Variants in KLHL3 observed in about 807,000 individuals in gnomAD.
The protein encoded by KLHL3 is kelch like family member 3, also known as kelch-like protein 3.
KLHL3 carries 19 observed loss-of-function variants against 70.5 expected under a neutral mutation model. The observed-to-expected ratio is 0.27, with a 90% CI of 0.19 to 0.40. The LOEUF (loss-of-function observed/expected upper bound fraction) is 0.40. KLHL3 is among the 10% of genes least tolerant of loss of function. The pLI is 1.00. For synonymous variants in KLHL3, 258 were observed against 290.3 expected, an observed-to-expected ratio of 0.89 and a Z score of 1.13; for missense variants, 512 against 771.1, an observed-to-expected ratio of 0.66 and a Z score of 3.98.
At chr5:137,644,386 G>A (rs928099712) in intron 8 of KLHL3, among the ~76,000 whole-genome samples, 1 of 152,164 alleles carries the variant, frequency 6.6e-6, no homozygotes, top group Admixed American at 6.5e-5. Flanking sequence ...TAGTTGAATA[G>A]TATATATACC....
At chr5:137,692,692 T>C (rs1318183127) in intron 4 of KLHL3, 5 of 465,698 alleles carry the variant, frequency 1.1e-5, no homozygotes, top group Non-Finnish European at 1.2e-5. Context: ...TCCCTGGGGA[T>C]CTTATTAAAA....
intron 1 of KLHL3, among the ~76,000 whole-genome samples, chr5:137,734,853 T>C (rs1357416223): frequency 8.5e-5 from 13 of 152,316 alleles, no homozygotes; most frequent in African/African-American, 3.1e-4. Flanking sequence ...ACCTTCACAA[T>C]GAAAGATTCA....
At chr5:137,683,233 C>T (rs749004355) in intron 5 of KLHL3, among the ~76,000 whole-genome samples, 5 of 152,056 alleles carry the variant, frequency 3.3e-5, no homozygotes, top group East Asian at 1.9e-4. Context: ...TCCACATGGA[C>T]GGGAACATAC....
At chr5:137,720,333 T>A in intron 2 of KLHL3, 132 bp downstream of exon 2, 1 of 1,023,128 alleles carries the variant, frequency 9.8e-7, no homozygotes, top group Non-Finnish European at 1.4e-6. Context: ...AAAGGGGAAC[T>A]CAAGTGACTA....
chr5:137,709,817 A>T lies in KLHL3; in HGVS notation c.174T>A (p.Asp58Glu), dbSNP rs777393894. The T allele has an allele frequency of 6.2e-7, 1 of 1,614,042 alleles. No homozygotes were observed. The highest frequency in any genetic ancestry group is 8.5e-7 in the Non-Finnish European group (1 of 1,180,038). ...LLCDVMIVAE[D>E]VEIEAHRVVL... ...CCACACGGTGGGCTTCTATCTCGAC[A>T]TCTTCTGCCACAATCATCACGTCAC... Residue 58 changes from aspartate (D) to glutamate (E), a missense_variant, in exon 3 of 15, where the codon GAT becomes GAA. Coordinates refer to ENST00000309755, the MANE Select transcript of KLHL3 (RefSeq NM_017415.3).
At chr5:137,627,477 A>C (rs10074817) in intron 13 of KLHL3, among the ~76,000 whole-genome samples, 50,840 of 78,346 alleles carry the variant, frequency 0.65, 17,173 homozygotes, top group Middle Eastern at 0.78. Flanking sequence ...AAATATCACC[A>C]CCCCCCCCCC....
rs1360294011 is a variant in KLHL3 at position 137,658,169 on chromosome 5, G to A, written c.865C>T (p.Pro289Ser). ...ACTGGAGTCCTGGGCTTGGTCCTTGGGTTCTTAATCAATAGTCTCTGATCC... is the reference window on the plus strand; with the variant it reads ...ACTGGAGTCCTGGGCTTGGTCCTTGAGTTCTTAATCAATAGTCTCTGATCC... The part of the protein sequence containing the change: ...PLDQRLLIKN[P>S]RTKPRTPVSL... Residue 289 changes from proline (P) to serine (S), a missense_variant, in exon 8 of 15, where the codon CCA becomes TCA. Transcript: ENST00000309755. The A allele has an allele frequency of 1.2e-6, 2 of 1,613,830 alleles. No homozygotes were observed. Among genetic ancestry groups the A allele is most frequent in the South Asian group, 1.1e-5 (1 of 91,056 alleles).
chr5:137,638,082 G>A (rs754303973), intron 10 of KLHL3, among the ~76,000 whole-genome samples: 15 of 152,272 alleles, frequency 9.9e-5, no homozygotes, highest in Middle Eastern at 3.4e-3. Flanking sequence ...AAAATCCCTC[G>A]TGTTTTAAGG....
chr5:137,718,921 A>G (rs1384017629), intron 2 of KLHL3, among the ~76,000 whole-genome samples: 1 of 152,268 alleles, frequency 6.6e-6, no homozygotes, highest in Admixed American at 6.5e-5. Flanking sequence ...GAAAGGAGAC[A>G]TAAGAAAACA....
intron 2 of KLHL3, among the ~76,000 whole-genome samples, chr5:137,715,714 C>T (rs182544434): frequency 1.5e-4 from 23 of 152,304 alleles, no homozygotes; most frequent in Admixed American, 1.4e-3. Flanking sequence ...GATCTCACAA[C>T]AATATCTAAG....
chr5:137,666,647 G>T (rs559012431), intron 6 of KLHL3, among the ~76,000 whole-genome samples: 1 of 152,258 alleles, frequency 6.6e-6, no homozygotes, highest in East Asian at 1.9e-4. Context: ...TGTGTAACTA[G>T]TTCCACTTAG....
At chr5:137,718,009 T>C (rs1261984567) in intron 2 of KLHL3, among the ~76,000 whole-genome samples, 2 of 152,214 alleles carry the variant, frequency 1.3e-5, no homozygotes, top group African/African-American at 2.4e-5. Context: ...GTCAAATATG[T>C]GTGGAAAACC....
chr5:137,647,323 C>A (rs1751074072), intron 8 of KLHL3, among the ~76,000 whole-genome samples: 1 of 152,162 alleles, frequency 6.6e-6, no homozygotes. Flanking sequence ...GAAATCACAA[C>A]CACCCTGTGT....
At chr5:137,636,080 A>G (rs781427602) in intron 11 of KLHL3, among the ~76,000 whole-genome samples, 8 of 152,240 alleles carry the variant, frequency 5.3e-5, no homozygotes, top group Admixed American at 6.5e-5. Flanking sequence ...AGACAAATCA[A>G]TTTCTCTTCC....
At chr5:137,645,217 G>T (rs1182657528) in intron 8 of KLHL3, among the ~76,000 whole-genome samples, 1 of 152,158 alleles carries the variant, frequency 6.6e-6, no homozygotes, top group Non-Finnish European at 1.5e-5. Flanking sequence ...ATACTAGAAA[G>T]GGGAAAGTTG....
At chr5:137,641,615 C>A (rs115984065) in intron 8 of KLHL3, among the ~76,000 whole-genome samples, 114 of 152,254 alleles carry the variant, frequency 7.5e-4, no homozygotes, top group African/African-American at 2.7e-3. Flanking sequence ...AAGGCACATC[C>A]CTCAAGTGAA....
In KLHL3 at chr5:137,692,410, T is replaced by C. The variant is rs758691957; in HGVS notation, c.401A>G (p.Asp134Gly). ...LPAASLLQLMDVRQNCCDFLQ... is the reference protein window; with the variant it reads ...LPAASLLQLMGVRQNCCDFLQ... ...GAAGTCACAGCAGTTCTGCCGAACATCCATGAGCTGCAGCAAGCTGGCTGC... is the reference window on the plus strand; with the variant it reads ...GAAGTCACAGCAGTTCTGCCGAACACCCATGAGCTGCAGCAAGCTGGCTGC... Residue 134 changes from aspartate (D) to glycine (G), a missense_variant, in exon 5 of 15, where the codon GAT becomes GGT. Coordinates refer to ENST00000309755, the MANE Select transcript of KLHL3 (RefSeq NM_017415.3). 7.4e-6 allele frequency: 12 copies of C among 1,613,912 alleles called. No homozygotes were observed. In the African/African-American group the frequency reaches 1.6e-4, roughly 22 times the overall value.
chr5:137,699,538 G>T (rs1221115656), intron 3 of KLHL3, among the ~76,000 whole-genome samples: 1 of 152,122 alleles, frequency 6.6e-6, no homozygotes, highest in Non-Finnish European at 1.5e-5. Context: ...TGGAGGCCCT[G>T]ATAATAATCC....
At chr5:137,716,465 G>A (rs1220217306) in intron 2 of KLHL3, among the ~76,000 whole-genome samples, 1 of 152,156 alleles carries the variant, frequency 6.6e-6, no homozygotes, top group African/African-American at 2.4e-5. Context: ...GGGAAGCACA[G>A]CCTCCAGCCA....
Sources: gnomAD v4.1 joint callset for allele counts (sites outside exome capture counted in the v4.1 genomes callset) on GRCh38, gnomAD v4.1.1 for gene constraint, MANE v1.5 for transcripts, NCBI Gene and HGNC (gene_info 2026-07-23, HGNC 2026-07-21) for gene names.